The following IMMT variants were observed in gnomAD, a reference collection of about 807,000 sequenced individuals.
IMMT encodes the protein inner membrane mitochondrial protein.
A neutral mutation model predicts 92.7 loss-of-function variants in IMMT; 40 were observed. That is an observed-to-expected ratio of 0.43 (90% CI 0.34 to 0.56). IMMT has a LOEUF of 0.56. Ranked by LOEUF, IMMT falls within the 20% of genes least tolerant of loss-of-function variation. The probability of loss-of-function intolerance (pLI) is 0.03; values close to 1 mark genes in which losing one functional copy is unlikely to be tolerated. For synonymous variants in IMMT, 322 were observed against 336.1 expected (o/e 0.96, Z 0.46); for missense variants, 831 against 912.1 (o/e 0.91, Z 1.14).
Position 86,166,559 on chromosome 2 carries a change from C to T in IMMT, c.741G>A (p.Gln247=). 6.2e-7 allele frequency: 1 copy of T among 1,613,278 alleles called. No individual in the cohort carries two copies. The highest frequency in any genetic ancestry group is 1.7e-4 in the Middle Eastern group (1 of 5,716). The change falls in exon 7 of 15, where the codon CAG becomes CAA. Residue 247 remains glutamine, a synonymous_variant. Transcript: ENST00000410111. ...ATATGTTGGAGTGTGCATTGACAGC[C>T]TGGACCGCAGCATTCTGAGCTGCAA... is the stretch of plus-strand genomic sequence containing the variant. The part of the protein sequence containing the change: ...QAIAAQNAAV[Q]AVNAHSNILK...
At chr2:86,170,598 G>C in intron 6 of IMMT, 151 bp downstream of exon 6, 1 of 578,948 alleles carries the variant, frequency 1.7e-6, no homozygotes, top group Non-Finnish European at 3.1e-6. Flanking sequence ...ATGAAATGAA[G>C]GTGATGAATA....
chr2:86,184,919 T>C lies in IMMT; in HGVS notation c.46-3547A>G, dbSNP rs535009759. 2.0e-5 allele frequency among the ~76,000 whole-genome samples: 3 copies of C among 152,312 alleles called. No homozygotes were observed. In the South Asian group the frequency reaches 6.2e-4, roughly 32 times the overall value. On this transcript the variant is annotated intron_variant, in intron 1 of 14. Transcript: ENST00000410111. ...AGAGTTCCAAGTAGGCCAGGCGCGATGGCTTACGCCTGTAATCCCAGCACT... is the reference window on the plus strand; with the variant it reads ...AGAGTTCCAAGTAGGCCAGGCGCGACGGCTTACGCCTGTAATCCCAGCACT...
chr2:86,189,612 TCTAA>T (rs1243220581), intron 1 of IMMT, among the ~76,000 whole-genome samples: 1 of 152,178 alleles, frequency 6.6e-6, no homozygotes, highest in Non-Finnish European at 1.5e-5. Context: ...TCATGTGAAC[TCTAA>T]CTAGAGGTTC....
chr2:86,172,393 G>C (rs1677159297), intron 4 of IMMT, among the ~76,000 whole-genome samples: 1 of 152,112 alleles, frequency 6.6e-6, no homozygotes, highest in African/African-American at 2.4e-5. Flanking sequence ...ACCCAGGCTG[G>C]AGTGTAGGGG....
chr2:86,167,436 G>C lies in IMMT; in HGVS notation c.656-792C>G, dbSNP rs566644875. Among the ~76,000 whole-genome samples, 248 of 150,002 alleles carry C rather than the reference G, an allele frequency of 1.7e-3. 2 individuals carry two copies. The highest frequency in any genetic ancestry group is 5.9e-3 in the African/African-American group (242 of 40,718). ...GATCCGCCCACCCTGGACTCCCAAA[G>C]TGCTGGGATTACAGGCGTGAGCCAC... On this transcript the variant is annotated intron_variant, in intron 6 of 14. Transcript: ENST00000410111.
chr2:86,149,909 G>T (rs1048394576), intron 12 of IMMT, among the ~76,000 whole-genome samples: 1 of 149,844 alleles, frequency 6.7e-6, no homozygotes, highest in African/African-American at 2.5e-5. Context: ...GAAAGAAAAA[G>T]AAAAAATAGT....
Position 86,144,238 on chromosome 2 carries a change from A to AAT in IMMT, c.*28_*29dup. On this transcript the variant is annotated 3_prime_UTR_variant, in exon 15 of 15. Transcript: ENST00000410111. ...TCACTGCTGATTTCCTTTGACATGAAATATGACTTTATGAAAATCTTCCTA... is the reference window on the plus strand; with the variant it reads ...TCACTGCTGATTTCCTTTGACATGAAATATATGACTTTATGAAAATCTTCCTA... 1 of 1,610,096 alleles carries AAT rather than the reference A, an allele frequency of 6.2e-7. No homozygotes were observed. The highest frequency in any genetic ancestry group is 8.5e-7 in the Non-Finnish European group (1 of 1,177,202).
intron 1 of IMMT, chr2:86,194,956 C>T (rs1205078259): frequency 2.9e-5 from 7 of 237,522 alleles, no homozygotes; most frequent in Non-Finnish European, 6.1e-5. Flanking sequence ...CGCCGCTCCG[C>T]TCGTCCTGAC....
intron 2 of IMMT, 140 bp from the exon 3 acceptor site, chr2:86,179,762 CCAT>C (rs1410650385): frequency 5.1e-6 from 3 of 587,062 alleles, no homozygotes; most frequent in Admixed American, 7.3e-5. Context: ...AAGTTTACCA[CCAT>C]GTCTGCACAT....
chr2:86,165,600 C>G (rs1319909024), intron 7 of IMMT, among the ~76,000 whole-genome samples: 2 of 152,108 alleles, frequency 1.3e-5, no homozygotes. Flanking sequence ...ATAATTTATG[C>G]ATTTTACTTT....
At chr2:86,155,136 T>G (rs1353810354) in intron 10 of IMMT, among the ~76,000 whole-genome samples, 1 of 152,202 alleles carries the variant, frequency 6.6e-6, no homozygotes. Context: ...GTGCTAGGAT[T>G]ATAGGCATAA....
At chr2:86,146,643 G>A (rs973313496) in intron 13 of IMMT, among the ~76,000 whole-genome samples, 4 of 152,306 alleles carry the variant, frequency 2.6e-5, no homozygotes, top group South Asian at 4.1e-4. Flanking sequence ...GATTACAGGC[G>A]TGAGCCACCG....
intron 1 of IMMT, among the ~76,000 whole-genome samples, chr2:86,185,169 T>TAA (rs879845494): frequency 1.4e-5 from 2 of 141,686 alleles, no homozygotes; most frequent in Non-Finnish European, 3.1e-5. Flanking sequence ...GACTCTGTCT[T>TAA]AAAAAAAAAA....
intron 1 of IMMT, 76 bp downstream of exon 1, chr2:86,195,262 G>T: frequency 1.4e-6 from 2 of 1,419,364 alleles, no homozygotes; most frequent in South Asian, 2.8e-5. Context: ...GCTAGGCAGC[G>T]ACCAAGGCTC....
At position 86,164,052 on chromosome 2, in the gene IMMT, A is replaced by ATTTTTTTTTTT. The variant is rs540613367; in HGVS notation, c.793-1984_793-1974dup. 3.6e-3 allele frequency among the ~76,000 whole-genome samples: 230 copies of ATTTTTTTTTTT among 63,052 alleles called. 16 individuals are homozygous for ATTTTTTTTTTT. The highest frequency in any genetic ancestry group is 5.7e-3 in the South Asian group (7 of 1,234). The allele number at this position is 63,052 out of a possible 152,430, so 41.4% of individuals were successfully genotyped here. On this transcript the variant is annotated intron_variant, in intron 7 of 14. Coordinates refer to ENST00000410111, the MANE Select transcript of IMMT (RefSeq NM_006839.3). ...GTTTCAGTGAATTCCCACTTTAGTC[A>ATTTTTTTTTTT]TTTTTTTTTTTTTTTTTTTTTTGAG...
At chr2:86,162,954 A>C (rs1372396497) in intron 7 of IMMT, among the ~76,000 whole-genome samples, 1 of 152,140 alleles carries the variant, frequency 6.6e-6, no homozygotes, top group Non-Finnish European at 1.5e-5. Context: ...GGGATATATA[A>C]TATTAGGAAG....
intron 12 of IMMT, among the ~76,000 whole-genome samples, chr2:86,150,660 A>G (rs1675399974): frequency 6.6e-6 from 1 of 152,208 alleles, no homozygotes; most frequent in South Asian, 2.1e-4. Context: ...AGAGAAAAAT[A>G]TACTCAGACT....
intron 6 of IMMT, among the ~76,000 whole-genome samples, chr2:86,170,099 T>C (rs1676978715): frequency 1.3e-5 from 2 of 151,132 alleles, no homozygotes; most frequent in Non-Finnish European, 2.9e-5. Context: ...TATTTACAAG[T>C]ATAAATTAAC....
At chr2:86,183,969 C>T (rs566096060) in intron 1 of IMMT, among the ~76,000 whole-genome samples, 21 of 152,278 alleles carry the variant, frequency 1.4e-4, no homozygotes, top group Admixed American at 1.2e-3. Context: ...CTGAGTAACA[C>T]TGTATACACA....
Sources: gnomAD v4.1 joint callset for allele counts (sites outside exome capture counted in the v4.1 genomes callset) on GRCh38, gnomAD v4.1.1 for gene constraint, MANE v1.5 for transcripts, NCBI Gene and HGNC (gene_info 2026-07-23, HGNC 2026-07-21) for gene names.